Variants in ZSCAN20 observed in about 807,000 individuals in gnomAD.
The protein encoded by ZSCAN20 is zinc finger and SCAN domain containing 20, also known as zinc finger and SCAN domain-containing protein 20.
In ZSCAN20, 39 loss-of-function variants were observed where a neutral mutation model predicts 97.1. That is an observed-to-expected ratio of 0.40 (90% confidence interval 0.31 to 0.52). The LOEUF (loss-of-function observed/expected upper bound fraction) is 0.52. ZSCAN20 is among the 20% of genes least tolerant of loss of function. ZSCAN20 has a pLI of 0.49. For synonymous variants in ZSCAN20, 456 were observed against 467.3 expected (o/e 0.98, Z 0.31); for missense variants, 1,115 against 1,290.4 (o/e 0.86, Z 2.08).
At position 33,491,869 on chromosome 1, in the gene ZSCAN20, C is replaced by G. The variant is rs2148473566; in HGVS notation, c.1444+167C>G. ...AACTCCAACTTTCTTTTCCCATGAC[C>G]AAGTCTCTTTGCAAAAGTCTTCTTA... On this transcript the variant is annotated intron_variant, in intron 6 of 7. Transcript: ENST00000684572. This position sits in a 1 kb window ranked among gnomAD's most constrained non-coding sequence, Gnocchi z 4.3. 1 of 617,988 alleles carries G rather than the reference C, an allele frequency of 1.6e-6. No individual in the cohort carries two copies. The highest frequency in any genetic ancestry group is 3.0e-5 in the East Asian group (1 of 33,614). The allele number at this position is 617,988 out of a possible 1,614,324, so 38.3% of individuals were successfully genotyped here. A position where few individuals can be genotyped will look rare whatever the true frequency, so the allele number is the denominator to read the frequency against.
chr1:33,493,577 T>C lies in ZSCAN20; in HGVS notation c.1835T>C (p.Val612Ala). 6.2e-7 allele frequency: 1 copy of C among 1,602,564 alleles called. No individual in the cohort carries two copies. Among genetic ancestry groups the C allele is most frequent in the Non-Finnish European group, 8.5e-7 (1 of 1,172,550 alleles). The change falls in exon 7 of 8, where the codon GTC becomes GCC. Residue 612 changes from valine (V) to alanine (A), a missense_variant. Coordinates refer to ENST00000684572, the MANE Select transcript of ZSCAN20 (RefSeq NM_001377376.1). The surrounding 1 kb of genome is among the most constrained non-coding windows in gnomAD (Gnocchi z 4.3). ...AWGEVANEDA[V>A]KPSTLCPKAP... is the part of the protein sequence containing the mutation. ...GGTGAAGTGGCCAATGAAGATGCTG[T>C]CAAACCTTCAACCTTGTGTCCTAAA...
chr1:33,488,469 T>C lies in ZSCAN20; in HGVS notation c.422T>C (p.Leu141Pro), dbSNP rs772839694. Reference sequence around the variant, plus strand: ...ATTTTGACTATTTGTGTGTAGGGACTGGAATTGCATACAGAAGAGACCAGG... The same window carrying C: ...ATTTTGACTATTTGTGTGTAGGGACCGGAATTGCATACAGAAGAGACCAGG... ...RETRTAGQSG[L>P]ELHTEETRPL... The change falls in exon 3 of 8, where the codon CTG becomes CCG. Residue 141 changes from leucine to proline, a missense_variant. Leu to Pro is a moderately conservative substitution (Grantham distance 98). Around this residue, in one of 3 missense-constraint regions of ZSCAN20, gnomAD observed 508 missense variants for 611.2 expected, o/e 0.83. Coordinates refer to ENST00000684572, the MANE Select transcript of ZSCAN20 (RefSeq NM_001377376.1). 1 of 1,611,310 alleles carries C rather than the reference T, an allele frequency of 6.2e-7. No homozygotes were observed. Among genetic ancestry groups the C allele is most frequent in the Non-Finnish European group, 8.5e-7 (1 of 1,179,302 alleles).
At chr1:33,479,105 G>A in intron 1 of ZSCAN20, 74 bp from the exon 2 acceptor site, 1 of 611,650 alleles carries the variant, frequency 1.6e-6, no homozygotes, top group South Asian at 2.7e-5. Flanking sequence ...GGTGGCGGAA[G>A]ATATGGGGGA....
At chr1:33,485,899 A>G (rs1442781876) in intron 2 of ZSCAN20, among the ~76,000 whole-genome samples, 5 of 151,750 alleles carry the variant, frequency 3.3e-5, no homozygotes, top group Admixed American at 2.6e-4. Context: ...TCTAGGTCTT[A>G]TATTGGTGTA....
chr1:33,494,474 C>G lies in ZSCAN20; in HGVS notation c.2130C>G (p.Tyr710Ter). 6.2e-7 allele frequency: 1 copy of G among 1,614,208 alleles called. No individual in the cohort carries two copies. The highest frequency in any genetic ancestry group is 8.5e-7 in the Non-Finnish European group (1 of 1,180,030). ...HQGLYLAEKP[Y>*]KCDTCMKSFS... ...GCCTGTACCTTGCAGAGAAACCCTA[C>G]AAGTGTGACACATGCATGAAGAGCT... is the stretch of plus-strand genomic sequence containing the variant. Residue 710 changes from tyrosine (Y) to a stop codon, truncating the protein, a stop_gained, in exon 8 of 8, where the codon TAC becomes TAG. Transcript: ENST00000684572. LOFTEE classifies it high-confidence loss of function.
chr1:33,495,454 A>G lies in ZSCAN20; in HGVS notation c.3110A>G (p.His1037Arg), dbSNP rs1652825132. ...CACTTCAGTGCTCACCGGAGAACCC[A>G]TGCAGGAGGGAAGGCGTCGTAGGGG... is the stretch of plus-strand genomic sequence containing the variant. The part of the protein sequence containing the change: ...SSHFSAHRRT[H>R]AGGKAS The change falls in exon 8 of 8, where the codon CAT becomes CGT. Residue 1037 changes from histidine (H) to arginine (R), a missense_variant. This residue lies in a region of ZSCAN20 where 554 missense variants were observed against 584.9 expected (regional missense o/e 0.95). Coordinates refer to ENST00000684572, the MANE Select transcript of ZSCAN20 (RefSeq NM_001377376.1). The G allele has an allele frequency of 6.5e-7, 1 of 1,539,404 alleles. No individual in the cohort carries two copies. The highest frequency in any genetic ancestry group is 2.0e-5 in the Admixed American group (1 of 49,376).
chr1:33,484,943 G>A (rs1352514250), intron 2 of ZSCAN20, among the ~76,000 whole-genome samples: 1 of 152,064 alleles, frequency 6.6e-6, no homozygotes, highest in East Asian at 1.9e-4. Flanking sequence ...TTGTTCATGA[G>A]GAATATTGGT....
At chr1:33,481,028 A>G (rs1652135409) in intron 2 of ZSCAN20, among the ~76,000 whole-genome samples, 2 of 152,240 alleles carry the variant, frequency 1.3e-5, no homozygotes, top group Non-Finnish European at 2.9e-5. Context: ...TTTAAACTGT[A>G]AAGTTCTATA....
In ZSCAN20 at chr1:33,493,186, G is replaced by T; in HGVS notation, c.1445-1G>T. ...AGTTCTCAACTCTTCACTCCTGACAGCAGGTGTGCACTGGGGCTATGAGGA... is the reference window on the plus strand; with the variant it reads ...AGTTCTCAACTCTTCACTCCTGACATCAGGTGTGCACTGGGGCTATGAGGA... On this transcript the variant is annotated splice_acceptor_variant, in intron 6 of 7. Transcript: ENST00000684572. LOFTEE classifies it high-confidence loss of function. This position sits in a 1 kb window ranked among gnomAD's most constrained non-coding sequence, Gnocchi z 4.3. The T allele has an allele frequency of 6.2e-7, 1 of 1,612,414 alleles. No homozygotes were observed. The highest frequency in any genetic ancestry group is 8.5e-7 in the Non-Finnish European group (1 of 1,178,544).
intron 4 of ZSCAN20, 77 bp downstream of exon 4, chr1:33,489,268 T>C: frequency 6.9e-7 from 1 of 1,451,276 alleles, no homozygotes; most frequent in Non-Finnish European, 9.6e-7. Flanking sequence ...CTCCTCTCTC[T>C]CCATGACCTC....
At position 33,493,160 on chromosome 1, in the gene ZSCAN20, C is replaced by A; in HGVS notation, c.1445-27C>A. Reference sequence around the variant, plus strand: ...CCTAGGCACATCTCATTAAGTCTCACAGTTCTCAACTCTTCACTCCTGACA... The same window carrying A: ...CCTAGGCACATCTCATTAAGTCTCAAAGTTCTCAACTCTTCACTCCTGACA... On this transcript the variant is annotated intron_variant, in intron 6 of 7. Transcript: ENST00000684572. This position sits in a 1 kb window ranked among gnomAD's most constrained non-coding sequence, Gnocchi z 4.3. 6.2e-7 allele frequency: 1 copy of A among 1,603,472 alleles called. No homozygotes were observed.
chr1:33,479,748 A>C, intron 2 of ZSCAN20, 43 bp downstream of exon 2: 1 of 1,459,726 alleles, frequency 6.9e-7, no homozygotes. Flanking sequence ...GGGTCAGGCA[A>C]GGCAGCAGGG....
At position 33,496,955 on chromosome 1, in the gene ZSCAN20, TAGA is replaced by T. The variant is rs1466105111; in HGVS notation, c.*1482_*1484del. On this transcript the variant is annotated 3_prime_UTR_variant, in exon 8 of 8. Coordinates refer to ENST00000684572, the MANE Select transcript of ZSCAN20 (RefSeq NM_001377376.1). Reference sequence around the variant, plus strand: ...CACTTTGGCCTCCAGAGTTTCTCCTTAGAAGGGTTTAAAACTGTTGACCAAGGA... The same window carrying T: ...CACTTTGGCCTCCAGAGTTTCTCCTTAGGGTTTAAAACTGTTGACCAAGGA... Among the ~76,000 whole-genome samples, 1 of 152,178 alleles carries T rather than the reference TAGA, an allele frequency of 6.6e-6. No homozygotes were observed. Among genetic ancestry groups the T allele is most frequent in the East Asian group, 1.9e-4 (1 of 5,200 alleles).
chr1:33,491,393 A>G lies in ZSCAN20; in HGVS notation c.1135A>G (p.Arg379Gly). The change falls in exon 6 of 8, where the codon AGG becomes GGG. Residue 379 changes from arginine (R) to glycine (G), a missense_variant. By Grantham distance (125) the Arg-to-Gly change is moderately radical. Coordinates refer to ENST00000684572, the MANE Select transcript of ZSCAN20 (RefSeq NM_001377376.1). The surrounding 1 kb of genome is among the most constrained non-coding windows in gnomAD (Gnocchi z 4.3). Reference sequence around the variant, plus strand: ...GCGGACACTGGAGCAATGTCGCTATAGGGTCAAAAACCTCCTACGGAATTA... The same window carrying G: ...GCGGACACTGGAGCAATGTCGCTATGGGGTCAAAAACCTCCTACGGAATTA... Reference protein sequence around the residue: ...FLRTLEQCRYRVKNLLRNYRK... With the variant: ...FLRTLEQCRYGVKNLLRNYRK... 1 of 1,614,214 alleles carries G rather than the reference A, an allele frequency of 6.2e-7. No homozygotes were observed. The highest frequency in any genetic ancestry group is 8.5e-7 in the Non-Finnish European group (1 of 1,180,026).
chr1:33,494,465 G>T lies in ZSCAN20; in HGVS notation c.2121G>T (p.Glu707Asp). Residue 707 changes from glutamate (E) to aspartate (D), a missense_variant, in exon 8 of 8, where the codon GAG (glutamate) becomes GAT (aspartate). By Grantham distance (45) the Glu-to-Asp change is conservative (BLOSUM62 2). This residue lies in a region of ZSCAN20 where 554 missense variants were observed against 584.9 expected (regional missense o/e 0.95). Coordinates refer to ENST00000684572, the MANE Select transcript of ZSCAN20 (RefSeq NM_001377376.1). ...LIDHQGLYLAEKPYKCDTCMK... is the reference protein window; with the variant it reads ...LIDHQGLYLADKPYKCDTCMK... ...ACCATCAAGGCCTGTACCTTGCAGA[G>T]AAACCCTACAAGTGTGACACATGCA... 6.2e-7 allele frequency: 1 copy of T among 1,614,116 alleles called. No homozygotes were observed.
At chr1:33,477,965 A>G (rs1283724208) in intron 1 of ZSCAN20, among the ~76,000 whole-genome samples, 1 of 152,046 alleles carries the variant, frequency 6.6e-6, no homozygotes, top group Non-Finnish European at 1.5e-5. Context: ...AGCTGAAGGA[A>G]GGGAGGAGAC....
rs756637034 is a variant in ZSCAN20, at chr1:33,491,625, G to A, written c.1367G>A (p.Gly456Asp). Residue 456 changes from glycine to aspartate, a missense_variant, in exon 6 of 8, where the codon GGT becomes GAT. Physicochemically the swap from Gly to Asp is moderately conservative, Grantham distance 94. This residue lies in a region of ZSCAN20 where 508 missense variants were observed against 611.2 expected (regional missense o/e 0.83). Transcript: ENST00000684572. This position sits in a 1 kb window ranked among gnomAD's most constrained non-coding sequence, Gnocchi z 4.3. ...GAAGAAATGGCAGAAGACTGTAACG[G>A]TGCTGGCCTGGTCAATGTTGAGTCT... is the stretch of plus-strand genomic sequence containing the variant. Reference protein sequence around the residue: ...DPEEMAEDCNGAGLVNVESTQ... With the variant: ...DPEEMAEDCNDAGLVNVESTQ... 1 of 1,614,216 alleles carries A rather than the reference G, an allele frequency of 6.2e-7. No individual in the cohort carries two copies. Among genetic ancestry groups the A allele is most frequent in the East Asian group, 2.2e-5 (1 of 44,878 alleles).
In ZSCAN20 at chr1:33,489,606, A is replaced by G; in HGVS notation, c.766+4A>G. On this transcript the variant is annotated splice_donor_region_variant and intron_variant, in intron 5 of 7. Transcript: ENST00000684572. The stretch of plus-strand genomic sequence containing the variant: ...TGTGGGAACAGCGTGTGCCTGGGTA[A>G]GGAGACGTACCCTCTGAAGGTGATG... 1 of 1,613,698 alleles carries G rather than the reference A, an allele frequency of 6.2e-7. No individual in the cohort carries two copies. The highest frequency in any genetic ancestry group is 8.5e-7 in the Non-Finnish European group (1 of 1,179,614).
At position 33,489,617 on chromosome 1, in the gene ZSCAN20, C is replaced by T; in HGVS notation, c.766+15C>T. The T allele has an allele frequency of 1.2e-6, 2 of 1,612,472 alleles. No individual in the cohort carries two copies. Among genetic ancestry groups the T allele is most frequent in the Non-Finnish European group, 1.7e-6 (2 of 1,178,582 alleles). On this transcript the variant is annotated intron_variant, in intron 5 of 7. Transcript: ENST00000684572. Reference sequence around the variant, plus strand: ...CGTGTGCCTGGGTAAGGAGACGTACCCTCTGAAGGTGATGTTGTCATGCTT... The same window carrying T: ...CGTGTGCCTGGGTAAGGAGACGTACTCTCTGAAGGTGATGTTGTCATGCTT...
Sources: allele counts gnomAD v4.1 joint callset (sites outside exome capture counted in the v4.1 genomes callset), GRCh38; gene constraint gnomAD v4.1.1; regional missense constraint gnomAD v4.1.1; non-coding constraint Gnocchi (gnomAD v3.1); transcripts MANE v1.5; gene names NCBI Gene and HGNC (gene_info 2026-07-23, HGNC 2026-07-21).